Variants in ADAMTS15 observed in about 807,000 individuals in gnomAD.
ADAMTS15 encodes the protein ADAM metallopeptidase with thrombospondin type 1 motif 15.
In ADAMTS15, 35 loss-of-function variants were observed where a neutral mutation model predicts 79.1. The observed-to-expected ratio is 0.44, with a 90% CI of 0.34 to 0.59. The LOEUF is 0.59. Among genes scored for constraint, ADAMTS15 ranks in the 20% least tolerant of loss-of-function variants. ADAMTS15 has a pLI of 0.02. For synonymous variants in ADAMTS15, 616 were observed against 567.3 expected (o/e 1.09, Z -1.22); for missense variants, 1,324 against 1,318.7 (o/e 1.00, Z -0.06).
intron 1 of ADAMTS15, among the ~76,000 whole-genome samples, chr11:130,458,974 C>T (rs1938144618): frequency 6.6e-6 from 1 of 151,552 alleles, no homozygotes; most frequent in Non-Finnish European, 1.5e-5. Context: ...CCATGTTTCT[C>T]AGCTGTCACA....
intron 1 of ADAMTS15, among the ~76,000 whole-genome samples, chr11:130,453,656 G>A (rs1938014481): frequency 6.6e-6 from 1 of 152,008 alleles, no homozygotes; most frequent in East Asian, 1.9e-4. Flanking sequence ...TGAACTCCTG[G>A]CCTCAAGAGA....
chr11:130,454,942 C>G (rs774587873), intron 1 of ADAMTS15, among the ~76,000 whole-genome samples: 1 of 152,078 alleles, frequency 6.6e-6, no homozygotes, highest in Non-Finnish European at 1.5e-5. Context: ...TGCGTCCCCT[C>G]CCACCCCTGG....
At chr11:130,458,897 A>G (rs865948067) in intron 1 of ADAMTS15, among the ~76,000 whole-genome samples, 3 of 152,028 alleles carry the variant, frequency 2.0e-5, no homozygotes, top group Admixed American at 6.5e-5. Context: ...ATCCTTCACT[A>G]TGCCCTTGCA....
Position 130,469,390 on chromosome 11 carries a change from A to G in ADAMTS15, c.1671A>G (p.Gly557=). 1 of 1,353,762 alleles carries G rather than the reference A, an allele frequency of 7.4e-7. No individual in the cohort carries two copies. Among genetic ancestry groups the G allele is most frequent in the Non-Finnish European group, 9.6e-7 (1 of 1,043,972 alleles). 83.9% of individuals were successfully genotyped at this position (1,353,762 alleles called of 1,614,324 possible). ...CCAACGGGGGCAAGTACTGCGAGGG[A>G]GTGAGGGTGAAATACCGATCCTGCA... is the stretch of plus-strand genomic sequence containing the variant. ...TPANGGKYCE[G]VRVKYRSCNL... is the part of the protein sequence containing the mutation. The change falls in exon 5 of 8, where the codon GGA becomes GGG. Residue 557 remains glycine, a synonymous_variant. Coordinates refer to ENST00000299164, the MANE Select transcript of ADAMTS15 (RefSeq NM_139055.4).
rs1455108890 is a variant in ADAMTS15, at chr11:130,449,665, T to C, written c.692T>C (p.Val231Ala). Reference protein sequence around the residue: ...ETLVVADESMVKFHGADLEHY... With the variant: ...ETLVVADESMAKFHGADLEHY... ...CTGGTGGTCGCGGACGAGTCAATGG[T>C]CAAGTTCCACGGCGCGGACCTGGAA... Residue 231 changes from valine (V) to alanine (A), a missense_variant, in exon 1 of 8, where the codon GTC becomes GCC. Physicochemically the swap from Val to Ala is moderately conservative, Grantham distance 64. Transcript: ENST00000299164. This position sits in a 1 kb window ranked among gnomAD's most constrained non-coding sequence, Gnocchi z 7.8. The C allele has an allele frequency of 6.3e-7, 1 of 1,593,618 alleles. No homozygotes were observed. Among genetic ancestry groups the C allele is most frequent in the Admixed American group, 1.8e-5 (1 of 57,010 alleles).
rs1362453484 is a variant in ADAMTS15 at position 130,475,861 on chromosome 11, C to T, written c.*2040C>T. On this transcript the variant is annotated 3_prime_UTR_variant, in exon 8 of 8. Coordinates refer to ENST00000299164, the MANE Select transcript of ADAMTS15 (RefSeq NM_139055.4). ...TCCCTCCTTCAGGAGGAGAGGGTGG[C>T]ATGGGGTCTGTGCGGGATGGCAGGG... 2.2e-5 allele frequency: 2 copies of T among 90,734 alleles called. No individual in the cohort carries two copies. Among genetic ancestry groups the T allele is most frequent in the East Asian group, 3.3e-4 (1 of 3,054 alleles). 5.6% of individuals were successfully genotyped at this position (90,734 alleles called of 1,614,324 possible).
chr11:130,457,308 C>A (rs1021128272), intron 1 of ADAMTS15, among the ~76,000 whole-genome samples: 1 of 151,564 alleles, frequency 6.6e-6, no homozygotes, highest in African/African-American at 2.4e-5. Flanking sequence ...CATTGAGCAT[C>A]TTGGTACATG....
intron 1 of ADAMTS15, among the ~76,000 whole-genome samples, chr11:130,455,487 C>T (rs528332820): frequency 4.6e-5 from 7 of 152,306 alleles, no homozygotes; most frequent in South Asian, 2.1e-4. Context: ...CCCTGCAAGT[C>T]GGCTGTTCAG....
In ADAMTS15 at chr11:130,448,967, C is replaced by T. The variant is rs1592141983; in HGVS notation, c.-7C>T. ...TCCCACAGCGCGGCGGTGCGCTGCCCGGCGCCATGCTTCTGCTGGGCATCC... is the reference window on the plus strand; with the variant it reads ...TCCCACAGCGCGGCGGTGCGCTGCCTGGCGCCATGCTTCTGCTGGGCATCC... On this transcript the variant is annotated 5_prime_UTR_variant, in exon 1 of 8. Transcript: ENST00000299164. The T allele has an allele frequency of 6.7e-7, 1 of 1,490,578 alleles. No homozygotes were observed. The highest frequency in any genetic ancestry group is 8.9e-7 in the Non-Finnish European group (1 of 1,121,760). 92.3% of individuals were successfully genotyped at this position (1,490,578 alleles called of 1,614,324 possible).
At chr11:130,470,206 A>ATATATATATG (rs1565397932) in intron 5 of ADAMTS15, among the ~76,000 whole-genome samples, 5 of 63,994 alleles carry the variant, frequency 7.8e-5, no homozygotes, top group South Asian at 4.4e-4. Context: ...ATATATATAT[A>ATATATATATG]TATGTATATA....
intron 5 of ADAMTS15, among the ~76,000 whole-genome samples, chr11:130,470,247 C>G (rs1364941610): frequency 7.1e-6 from 1 of 141,666 alleles, no homozygotes; most frequent in Non-Finnish European, 1.5e-5. Flanking sequence ...GAGTCTCACT[C>G]ACTCTGTTGC....
rs768655445 is a variant in ADAMTS15 at position 130,449,839 on chromosome 11, T to C, written c.866T>C (p.Leu289Pro). Residue 289 changes from leucine (L) to proline (P), a missense_variant, in exon 1 of 8, where the codon CTG becomes CCG. Transcript: ENST00000299164. The surrounding 1 kb of genome is among the most constrained non-coding windows in gnomAD (Gnocchi z 7.8). ...GTCACCGGCAATGCGGCCCTGACGC[T>C]GCGCAACTTCTGTGCCTGGCAGAAG... ...PKVTGNAALT[L>P]RNFCAWQKKL... 1 of 1,608,582 alleles carries C rather than the reference T, an allele frequency of 6.2e-7. No homozygotes were observed. Among genetic ancestry groups the C allele is most frequent in the South Asian group, 1.1e-5 (1 of 91,084 alleles).
intron 4 of ADAMTS15, among the ~76,000 whole-genome samples, chr11:130,467,459 CAG>C (rs776392825): frequency 2.0e-5 from 3 of 152,270 alleles, no homozygotes; most frequent in Non-Finnish European, 4.4e-5. Context: ...TAGGATCAAA[CAG>C]ATTTTGACAA....
chr11:130,458,013 T>C (rs1464906796), intron 1 of ADAMTS15, among the ~76,000 whole-genome samples: 1 of 152,152 alleles, frequency 6.6e-6, no homozygotes, highest in African/African-American at 2.4e-5. Context: ...CCGGGACTTC[T>C]TGATGGAAAG....
chr11:130,452,140 G>GGCA lies in ADAMTS15; in HGVS notation c.957+2211_957+2212insCAG, dbSNP rs1555078795. Among the ~76,000 whole-genome samples, 18 of 151,846 alleles carry GGCA rather than the reference G, an allele frequency of 1.2e-4. No homozygotes were observed. In the South Asian group the frequency reaches 3.7e-3, roughly 32 times the overall value. On this transcript the variant is annotated intron_variant, in intron 1 of 7. Coordinates refer to ENST00000299164, the MANE Select transcript of ADAMTS15 (RefSeq NM_139055.4). The stretch of plus-strand genomic sequence containing the variant: ...CTCACTCCTGATATCTCTGGGGGAA[G>GGCA]GTACAGTATTTGATGAGAACAGGAG...
Position 130,462,054 on chromosome 11 carries a change from C to A in ADAMTS15, c.1091-33C>A. ...CCCTCCAACCCCCATGTCCTTCCTCCTGCCCTCTCAGTCCTCTTGCCTTAC... is the reference window on the plus strand; with the variant it reads ...CCCTCCAACCCCCATGTCCTTCCTCATGCCCTCTCAGTCCTCTTGCCTTAC... On this transcript the variant is annotated intron_variant, in intron 2 of 7. Transcript: ENST00000299164. This position sits in a 1 kb window ranked among gnomAD's most constrained non-coding sequence, Gnocchi z 4.3. 6.3e-7 allele frequency: 1 copy of A among 1,594,212 alleles called. No homozygotes were observed. The highest frequency in any genetic ancestry group is 8.6e-7 in the Non-Finnish European group (1 of 1,166,306).
chr11:130,450,049 T>C, intron 1 of ADAMTS15, 119 bp downstream of exon 1: 1 of 1,498,404 alleles, frequency 6.7e-7, no homozygotes. Context: ...CTCGTTGATC[T>C]CTTCCGACTC....
At position 130,461,484 on chromosome 11, in the gene ADAMTS15, G is replaced by A. The variant is rs749853589; in HGVS notation, c.958-5G>A. The A allele has an allele frequency of 4.5e-5, 73 of 1,613,874 alleles. No individual in the cohort carries two copies. The highest frequency in any genetic ancestry group is 1.6e-4 in the African/African-American group (12 of 74,880). ...GCTGGCTTCTGCTTCTCCCCCACCC[G>A]GCAGGACCTGTGTGGAGCCACCACC... On this transcript the variant is annotated splice_polypyrimidine_tract_variant and splice_region_variant and intron_variant, in intron 1 of 7. Coordinates refer to ENST00000299164, the MANE Select transcript of ADAMTS15 (RefSeq NM_139055.4).
At chr11:130,468,752 G>A (rs1317894679) in intron 4 of ADAMTS15, among the ~76,000 whole-genome samples, 1 of 122,902 alleles carries the variant, frequency 8.1e-6, no homozygotes, top group Non-Finnish European at 1.6e-5. Context: ...GCGAAAGAGT[G>A]AGACTCCATC....
Sources: gnomAD v4.1 joint callset for allele counts (sites outside exome capture counted in the v4.1 genomes callset) on GRCh38, gnomAD v4.1.1 for gene constraint, Gnocchi (gnomAD v3.1) non-coding constraint, MANE v1.5 for transcripts, NCBI Gene and HGNC (gene_info 2026-07-23, HGNC 2026-07-21) for gene names.